CEBPZOS: variants seen among roughly 807,000 people sequenced by gnomAD.
The protein encoded by CEBPZOS is protein CEBPZOS.
Under a neutral mutation model 4.8 loss-of-function variants are expected in CEBPZOS, and 10 were observed. The ratio of observed to expected loss-of-function variants is 2.07; its 90% confidence interval spans 1.28 to 3.52. CEBPZOS has a LOEUF of 3.52. Among genes scored for constraint, CEBPZOS ranks in the 30% most tolerant of loss-of-function variants. CEBPZOS has a pLI of 0.00. For synonymous variants in CEBPZOS, 25 were observed against 14.2 expected, an observed-to-expected ratio of 1.77 and a Z score of -1.72; for missense variants, 98 against 43.6, an observed-to-expected ratio of 2.25 and a Z score of -3.51.
chr2:37,196,945 C>T (rs529094516), intron 1 of CEBPZOS, among the ~76,000 whole-genome samples: 4 of 152,314 alleles, frequency 2.6e-5, no homozygotes, highest in African/African-American at 7.2e-5. Flanking sequence ...CTGCTTGAAA[C>T]CGCGTAGCCT....
chr2:37,199,731 AAAG>A lies in CEBPZOS; in HGVS notation c.32_34del (p.Lys11del), dbSNP rs776330968. ...TGGCCCGTACTTTGGAACCACTAGCAAAGAAGATCTTTAAAGGAGTTTTGGTAG... is the reference window on the plus strand; with the variant it reads ...TGGCCCGTACTTTGGAACCACTAGCAAAGATCTTTAAAGGAGTTTTGGTAG... On this transcript the variant is annotated inframe_deletion, in exon 2 of 5. Transcript: ENST00000402297. 79 of 717,386 alleles carry A rather than the reference AAAG, an allele frequency of 1.1e-4. No individual in the cohort carries two copies. Among genetic ancestry groups the A allele is most frequent in the East Asian group, 2.7e-4 (10 of 37,284 alleles). The allele number at this position is 717,386 out of a possible 1,614,324, so 44.4% of individuals were successfully genotyped here. A position where few individuals can be genotyped will look rare whatever the true frequency, so the allele number is the denominator to read the frequency against.
At chr2:37,212,989 G>T (rs1259253243) in intron 4 of CEBPZOS, among the ~76,000 whole-genome samples, 2 of 152,068 alleles carry the variant, frequency 1.3e-5, no homozygotes, top group Non-Finnish European at 2.9e-5. Flanking sequence ...CAGGGCTGCA[G>T]TGAGTTGGGA....
chr2:37,199,470 C>T (rs998091268), intron 1 of CEBPZOS, among the ~76,000 whole-genome samples: 1 of 152,212 alleles, frequency 6.6e-6, no homozygotes, highest in Non-Finnish European at 1.5e-5. Flanking sequence ...TGCATTTTCT[C>T]TCTTTCCTGT....
downstream of CEBPZOS, among the ~76,000 whole-genome samples, chr2:37,205,100 A>G (rs1407053315): frequency 2.0e-5 from 3 of 152,228 alleles, no homozygotes; most frequent in African/African-American, 7.2e-5. Flanking sequence ...TAATTTAAAT[A>G]TGTATCAGTT....
intron 1 of CEBPZOS, chr2:37,197,346 A>G (rs1163444745): frequency 6.6e-6 from 1 of 152,190 alleles, no homozygotes; most frequent in African/African-American, 2.4e-5. Context: ...TGTATTTTTA[A>G]AAAGGTAAAT....
chr2:37,208,050 G>GA (rs548940134), downstream of CEBPZOS, among the ~76,000 whole-genome samples: 15 of 152,082 alleles, frequency 9.9e-5, no homozygotes, highest in South Asian at 3.1e-3. Flanking sequence ...AAAACCTAGA[G>GA]AAAAATGGAT....
rs1677744447 is a variant in CEBPZOS at position 37,212,258 on chromosome 2, C to T, written c.*3-1179C>T. ...TACATTTCCCCTTTATCATATAGTT[C>T]TGTGGTCTACTGTTCTGAGGGACAA... On this transcript the variant is annotated intron_variant, in intron 4 of 4. Transcript: ENST00000397064. 15 of 1,286,964 alleles carry T rather than the reference C, an allele frequency of 1.2e-5. No homozygotes were observed. The South Asian group carries it at 1.3e-4, about 11-fold the overall frequency. The allele number at this position is 1,286,964 out of a possible 1,614,324, so 79.7% of individuals were successfully genotyped here. A position where few individuals can be genotyped will look rare whatever the true frequency, so the allele number is the denominator to read the frequency against.
intron 4 of CEBPZOS, chr2:37,211,452 A>G (rs1446318866): frequency 1.3e-5 from 3 of 235,726 alleles, no homozygotes; most frequent in Middle Eastern, 1.3e-3. Flanking sequence ...CAGTCTAGAG[A>G]CAATTCTGGG....
At chr2:37,212,867 C>CAACA (rs1677769159) in intron 4 of CEBPZOS, among the ~76,000 whole-genome samples, 1 of 117,252 alleles carries the variant, frequency 8.5e-6, no homozygotes, top group Non-Finnish European at 1.8e-5. Flanking sequence ...ACAACAACAA[C>CAACA]AAAAAAAAAA....
chr2:37,204,805 T>A (rs988470780), downstream of CEBPZOS: 5 of 152,226 alleles, frequency 3.3e-5, no homozygotes, highest in African/African-American at 1.2e-4. Context: ...CCAAAACTAT[T>A]ATCAATTGAG....
At chr2:37,211,138 T>C in intron 4 of CEBPZOS, 2 of 1,151,006 alleles carry the variant, frequency 1.7e-6, no homozygotes, top group Non-Finnish European at 2.6e-6. Flanking sequence ...GACTGGAAAA[T>C]ATTACTCCAA....
chr2:37,200,286 T>G (rs1038209029), intron 2 of CEBPZOS, among the ~76,000 whole-genome samples: 17 of 152,212 alleles, frequency 1.1e-4, no homozygotes, highest in Admixed American at 9.8e-4. Context: ...TTAACATTTT[T>G]CTTGGGGAAA....
chr2:37,200,085 C>T (rs1034213944), intron 2 of CEBPZOS, among the ~76,000 whole-genome samples: 2 of 152,120 alleles, frequency 1.3e-5, no homozygotes, highest in Non-Finnish European at 2.9e-5. Context: ...TAGCAAGTGT[C>T]CTTGGTCTGG....
chr2:37,197,600 G>A (rs920302876), intron 1 of CEBPZOS, among the ~76,000 whole-genome samples: 1 of 152,184 alleles, frequency 6.6e-6, no homozygotes, highest in Middle Eastern at 3.2e-3. Flanking sequence ...GGCCGGGCGT[G>A]GCGGCACACG....
chr2:37,210,381 T>C (rs1309681175), intron 4 of CEBPZOS: 2 of 152,112 alleles, frequency 1.3e-5, no homozygotes, highest in Non-Finnish European at 2.9e-5. Context: ...TAAATGCCCA[T>C]CAACTAATGA....
downstream of CEBPZOS, chr2:37,214,013 CTA>C: frequency 1.0e-6 from 1 of 998,036 alleles, no homozygotes; most frequent in Non-Finnish European, 1.4e-6. Context: ...TCTAATCTTA[CTA>C]TATATCATCA....
chr2:37,211,614 TAAAGTA>T (rs1321580831), intron 4 of CEBPZOS: 28 of 457,146 alleles, frequency 6.1e-5, no homozygotes, highest in African/African-American at 4.6e-4. Flanking sequence ...AGCTGCTGGT[TAAAGTA>T]AAAGTCCAAA....
chr2:37,199,768 G>C lies in CEBPZOS; in HGVS notation c.64G>C (p.Val22Leu), dbSNP rs959799471. 2 of 717,498 alleles carry C rather than the reference G, an allele frequency of 2.8e-6. No homozygotes were observed. Among genetic ancestry groups the C allele is most frequent in the Admixed American group, 4.0e-5 (2 of 49,998 alleles). The allele number at this position is 717,498 out of a possible 1,614,324, so 44.4% of individuals were successfully genotyped here. ...IFKGVLVAEL[V>L]GVFGAYFLFS... is the part of the protein sequence containing the mutation. Reference sequence around the variant, plus strand: ...TAAAGGAGTTTTGGTAGCCGAACTTGTAGGCGTTTTTGGAGCATATTTTTT... The same window carrying C: ...TAAAGGAGTTTTGGTAGCCGAACTTCTAGGCGTTTTTGGAGCATATTTTTT... Residue 22 changes from valine to leucine, a missense_variant, in exon 2 of 5, where the codon GTA (valine) becomes CTA (leucine). Physicochemically the swap from Val to Leu is conservative, Grantham distance 32 (BLOSUM62 1). Transcript: ENST00000402297.
chr2:37,197,396 C>G (rs1319810737), intron 1 of CEBPZOS: 1 of 152,224 alleles, frequency 6.6e-6, no homozygotes, highest in Non-Finnish European at 1.5e-5. Flanking sequence ...GCTATGCTCA[C>G]CACTATACAC....
Sources: gnomAD v4.1 joint callset for allele counts (sites outside exome capture counted in the v4.1 genomes callset) on GRCh38, gnomAD v4.1.1 for gene constraint, MANE v1.5 for transcripts, NCBI Gene and HGNC (gene_info 2026-07-23, HGNC 2026-07-21) for gene names.